Variants in CTNNA2 observed in about 807,000 individuals in gnomAD.
CTNNA2 encodes catenin alpha-2.
Under a neutral mutation model 101.0 loss-of-function variants are expected in CTNNA2, and 42 were observed. The observed-to-expected ratio is 0.42, with a 90% confidence interval of 0.32 to 0.54. CTNNA2 has a LOEUF of 0.54. CTNNA2 is among the 20% of genes least tolerant of loss of function. CTNNA2 has a pLI of 0.14. For missense variants in CTNNA2, 871 were observed against 1,223.1 expected, an observed-to-expected ratio of 0.71 and a Z score of 4.29; for synonymous variants, 450 against 456.4, an observed-to-expected ratio of 0.99 and a Z score of 0.18.
intron 9 of CTNNA2, among the ~76,000 whole-genome samples, chr2:80,483,135 C>T (rs1040932250): frequency 6.6e-6 from 1 of 152,116 alleles, no homozygotes; most frequent in Non-Finnish European, 1.5e-5. Context: ...GAGAGAGTAG[C>T]ATAGCTGAGC....
At chr2:80,643,249 A>G (rs1222478039) in intron 18 of CTNNA2, among the ~76,000 whole-genome samples, 1 of 152,042 alleles carries the variant, frequency 6.6e-6, no homozygotes, top group Admixed American at 6.6e-5. Flanking sequence ...AATAGCATGG[A>G]GGAATGGTAA....
chr2:79,540,167 A>G (rs938849497), intron 1 of CTNNA2, among the ~76,000 whole-genome samples: 5 of 152,128 alleles, frequency 3.3e-5, no homozygotes, highest in African/African-American at 9.7e-5. Flanking sequence ...TAAGAGAAAA[A>G]GGATCCAAAG....
intron 7 of CTNNA2, among the ~76,000 whole-genome samples, chr2:79,964,767 C>T (rs1475149635): frequency 1.3e-5 from 2 of 152,222 alleles, no homozygotes; most frequent in Admixed American, 6.5e-5. Flanking sequence ...CTCATTCTTC[C>T]CCACCCCTCC....
chr2:80,336,137 C>A (rs978524560), intron 7 of CTNNA2, among the ~76,000 whole-genome samples: 1 of 152,174 alleles, frequency 6.6e-6, no homozygotes, highest in African/African-American at 2.4e-5. Flanking sequence ...AAATTTATTT[C>A]TCATGATTCT....
At chr2:80,596,520 G>T (rs1386598955) in intron 15 of CTNNA2, among the ~76,000 whole-genome samples, 1 of 151,184 alleles carries the variant, frequency 6.6e-6, no homozygotes, top group Non-Finnish European at 1.5e-5. Flanking sequence ...CACCGTGTTC[G>T]CCAGGATGGT....
chr2:80,300,548 AT>A (rs1349624462), intron 7 of CTNNA2, among the ~76,000 whole-genome samples: 1 of 151,940 alleles, frequency 6.6e-6, no homozygotes, highest in Non-Finnish European at 1.5e-5. Context: ...AGCTGGAGAC[AT>A]TTGCATGTTG....
intron 7 of CTNNA2, among the ~76,000 whole-genome samples, chr2:80,293,212 A>G (rs1428792170): frequency 1.3e-5 from 2 of 152,172 alleles, no homozygotes; most frequent in African/African-American, 2.4e-5. Flanking sequence ...AGATTGTTGC[A>G]TTGTTCCATT....
intron 7 of CTNNA2, among the ~76,000 whole-genome samples, chr2:80,194,106 T>A (rs1444593505): frequency 6.6e-6 from 1 of 152,224 alleles, no homozygotes; most frequent in Non-Finnish European, 1.5e-5. Context: ...TTTAGCAATT[T>A]TAATTCAAGT....
chr2:80,080,946 CT>C (rs1699093582), intron 7 of CTNNA2, among the ~76,000 whole-genome samples: 1 of 93,664 alleles, frequency 1.1e-5, no homozygotes, highest in East Asian at 3.4e-4. Flanking sequence ...CATTCTCCCA[CT>C]TAAAAAAAAA....
intron 13 of CTNNA2, among the ~76,000 whole-genome samples, chr2:80,577,584 T>C (rs966896769): frequency 6.6e-6 from 1 of 152,088 alleles, no homozygotes; most frequent in African/African-American, 2.4e-5. Context: ...ACAGAATGTA[T>C]GGGGCAAGAG....
rs181978887 is a variant in CTNNA2, at chr2:80,077,231, C to T, written c.1056+167434C>T. The stretch of plus-strand genomic sequence containing the variant: ...ATTTCTTTGTTAAACATACATTTAC[C>T]GTAGTACCCAACAATAACACTTTTA... On this transcript the variant is annotated intron_variant, in intron 7 of 18. Coordinates refer to ENST00000402739, the MANE Select transcript of CTNNA2 (RefSeq NM_001282597.3). 2.0e-4 allele frequency among the ~76,000 whole-genome samples: 31 copies of T among 152,120 alleles called. No individual in the cohort carries two copies. The East Asian group carries it at 3.3e-3, about 16-fold the overall frequency.
intron 1 of CTNNA2, among the ~76,000 whole-genome samples, chr2:79,616,433 G>A (rs765607122): frequency 6.6e-6 from 1 of 152,142 alleles, no homozygotes; most frequent in Non-Finnish European, 1.5e-5. Flanking sequence ...TTTAAAGAAT[G>A]TTAGTCTTGT....
chr2:80,179,343 T>A (rs1158318236), intron 7 of CTNNA2, among the ~76,000 whole-genome samples: 1 of 152,222 alleles, frequency 6.6e-6, no homozygotes, highest in Non-Finnish European at 1.5e-5. Flanking sequence ...GTGGTGGGAA[T>A]CACCACCTCC....
At chr2:79,349,538 T>A (rs1296099641) in intron 3 of CTNNA2, among the ~76,000 whole-genome samples, 1 of 152,196 alleles carries the variant, frequency 6.6e-6, no homozygotes, top group Non-Finnish European at 1.5e-5. Context: ...TATAAGCTGG[T>A]TGAAGATCCA....
chr2:79,821,873 G>A (rs1182201706), intron 3 of CTNNA2, among the ~76,000 whole-genome samples: 1 of 152,094 alleles, frequency 6.6e-6, no homozygotes, highest in Non-Finnish European at 1.5e-5. Context: ...TTGATCGACT[G>A]AAGCCTAGAG....
At chr2:80,338,709 T>TA (rs1028824969) in intron 7 of CTNNA2, among the ~76,000 whole-genome samples, 1 of 152,162 alleles carries the variant, frequency 6.6e-6, no homozygotes, top group African/African-American at 2.4e-5. Context: ...AATGCCCTAA[T>TA]AAAAACCTCT....
At chr2:80,393,716 A>G (rs1187864708) in intron 8 of CTNNA2, among the ~76,000 whole-genome samples, 5 of 152,236 alleles carry the variant, frequency 3.3e-5, no homozygotes, top group South Asian at 2.1e-4. Context: ...TGGGTTAATT[A>G]AGGTCTCTTG....
At chr2:79,467,634 T>C (rs1260626179) in intron 4 of CTNNA2, among the ~76,000 whole-genome samples, 3 of 152,148 alleles carry the variant, frequency 2.0e-5, no homozygotes, top group South Asian at 2.1e-4. Context: ...AGAGAAAGGT[T>C]GGGTTACCCA....
chr2:80,589,515 T>A, intron 15 of CTNNA2, 30 bp downstream of exon 15: 1 of 1,602,910 alleles, frequency 6.2e-7, no homozygotes, highest in Non-Finnish European at 8.5e-7. Context: ...AGCTGAAGAT[T>A]TTTTCATTAA....
Sources: allele counts gnomAD v4.1 joint callset (sites outside exome capture counted in the v4.1 genomes callset), GRCh38; gene constraint gnomAD v4.1.1; transcripts MANE v1.5; gene names NCBI Gene and HGNC (gene_info 2026-07-23, HGNC 2026-07-21).